The following P3H2 variants were observed in gnomAD, a reference collection of about 807,000 sequenced individuals.
P3H2 encodes the protein leprecan-like 1.
A neutral mutation model predicts 87.0 loss-of-function variants in P3H2; 80 were observed. The observed-to-expected ratio is 0.92, with a 90% CI of 0.77 to 1.11. The LOEUF is 1.11. Ranked by LOEUF, P3H2 falls within the 50% of genes least tolerant of loss-of-function variation. P3H2 has a pLI of 0.00. For synonymous variants in P3H2, 367 were observed against 359.3 expected, an observed-to-expected ratio of 1.02 and a Z score of -0.24; for missense variants, 1,001 against 923.9, an observed-to-expected ratio of 1.08 and a Z score of -1.08.
At chr3:189,992,548 A>C (rs999829850) in intron 3 of P3H2, among the ~76,000 whole-genome samples, 1 of 152,180 alleles carries the variant, frequency 6.6e-6, no homozygotes, top group East Asian at 1.9e-4. Context: ...TATTTGTGAA[A>C]ATTTTATTAA....
At chr3:190,030,956 A>C (rs1349034) in intron 1 of P3H2, among the ~76,000 whole-genome samples, 1 of 151,924 alleles carries the variant, frequency 6.6e-6, no homozygotes, top group Non-Finnish European at 1.5e-5. Context: ...ACTACAGATG[A>C]ATTAAGAGTA....
chr3:190,095,208 G>A (rs1727531082), intron 1 of P3H2, among the ~76,000 whole-genome samples: 2 of 149,130 alleles, frequency 1.3e-5, no homozygotes, highest in South Asian at 2.1e-4. Flanking sequence ...TGACAAAACC[G>A]AGTCTTACAG....
intron 1 of P3H2, among the ~76,000 whole-genome samples, chr3:190,005,678 T>G (rs1724365703): frequency 6.6e-6 from 1 of 152,214 alleles, no homozygotes; most frequent in South Asian, 2.1e-4. Context: ...AACTCTTGCT[T>G]TTATAGGAGT....
intron 13 of P3H2, among the ~76,000 whole-genome samples, chr3:189,970,073 T>C (rs1723123647): frequency 6.6e-6 from 1 of 150,498 alleles, no homozygotes; most frequent in Non-Finnish European, 1.5e-5. Flanking sequence ...AATTGAACTT[T>C]TGATTTACTC....
chr3:189,990,626 T>C (rs1474833600), intron 3 of P3H2, among the ~76,000 whole-genome samples: 2 of 152,244 alleles, frequency 1.3e-5, no homozygotes, highest in African/African-American at 4.8e-5. Context: ...TCCCGAACTG[T>C]TAATGTCTAA....
At chr3:190,050,654 T>C (rs1725953610) in intron 1 of P3H2, among the ~76,000 whole-genome samples, 1 of 152,184 alleles carries the variant, frequency 6.6e-6, no homozygotes, top group African/African-American at 2.4e-5. Flanking sequence ...TATATGAGTT[T>C]TTTGAGGAAT....
At chr3:190,035,246 T>C (rs1725384231) in intron 1 of P3H2, among the ~76,000 whole-genome samples, 1 of 152,132 alleles carries the variant, frequency 6.6e-6, no homozygotes, top group Non-Finnish European at 1.5e-5. Flanking sequence ...AGCTTTTATA[T>C]CAGAAGACCA....
In P3H2 at chr3:189,983,139, C is replaced by A. The variant is rs2108915927; in HGVS notation, c.1231G>T (p.Val411Phe). ...RYGGRQDENR[V>F]PSGVNVEGAE... Reference sequence around the variant, plus strand: ...CCCTCTACGTTCACTCCTGAAGGGACCCTGCCCATTCAAAAAATTTAAAAT... The same window carrying A: ...CCCTCTACGTTCACTCCTGAAGGGAACCTGCCCATTCAAAAAATTTAAAAT... The change falls in exon 8 of 15, where the codon GTC becomes TTC. Residue 411 changes from valine (V) to phenylalanine (F), a missense_variant and splice_region_variant. Transcript: ENST00000319332. 5 of 1,612,810 alleles carry A rather than the reference C, an allele frequency of 3.1e-6. No homozygotes were observed. Among genetic ancestry groups the A allele is most frequent in the East Asian group, 2.2e-5 (1 of 44,858 alleles).
At chr3:190,046,122 C>CA (rs62695060) in intron 1 of P3H2, among the ~76,000 whole-genome samples, 48 of 117,976 alleles carry the variant, frequency 4.1e-4, no homozygotes, top group East Asian at 9.9e-4. Context: ...GACTCCATCT[C>CA]AAAAAAAAAA....
chr3:190,028,263 T>C (rs1233152766), intron 1 of P3H2, among the ~76,000 whole-genome samples: 2 of 152,178 alleles, frequency 1.3e-5, no homozygotes, highest in African/African-American at 4.8e-5. Flanking sequence ...AAAGCCATTC[T>C]CAACTGGGGA....
intron 1 of P3H2, among the ~76,000 whole-genome samples, chr3:190,100,020 G>A (rs1033175443): frequency 6.6e-6 from 1 of 152,106 alleles, no homozygotes; most frequent in African/African-American, 2.4e-5. Context: ...GATAACCTGA[G>A]GTCAGGAGTT....
intron 8 of P3H2, among the ~76,000 whole-genome samples, chr3:189,975,945 A>G (rs1418019588): frequency 6.6e-6 from 1 of 152,258 alleles, no homozygotes; most frequent in East Asian, 1.9e-4. Flanking sequence ...ATATGCAATC[A>G]TAAAACTATG....
chr3:190,035,951 A>G (rs193049109), intron 1 of P3H2, among the ~76,000 whole-genome samples: 2 of 152,316 alleles, frequency 1.3e-5, no homozygotes, highest in East Asian at 3.9e-4. Context: ...TAAATTCTAC[A>G]CAGTAAGCTG....
intron 1 of P3H2, among the ~76,000 whole-genome samples, chr3:190,115,427 G>GAA (rs560968411): frequency 3.2e-4 from 36 of 112,084 alleles, no homozygotes; most frequent in Middle Eastern, 4.5e-3. Flanking sequence ...AAAAGTGGGA[G>GAA]AAAAAAAAAA....
rs1472607434 is a variant in P3H2 at position 189,984,534 on chromosome 3, T to C, written c.1229+16A>G. On this transcript the variant is annotated intron_variant, in intron 7 of 14. Coordinates refer to ENST00000319332, the MANE Select transcript of P3H2 (RefSeq NM_018192.4). ...TCTCCTCATAAAAAACCAGTTTGCA[T>C]TCTGAATGGACTTACCGATTCTCAT... The C allele has an allele frequency of 6.2e-7, 1 of 1,605,444 alleles. No homozygotes were observed.
intron 1 of P3H2, among the ~76,000 whole-genome samples, chr3:190,079,875 T>C (rs1726989258): frequency 6.6e-6 from 1 of 152,218 alleles, no homozygotes; most frequent in Non-Finnish European, 1.5e-5. Flanking sequence ...TTCTCATCCA[T>C]AAAAGGGGAC....
chr3:190,119,175 AGGAGAGGAGAGGAGAGGAGG>A (rs1712427160), intron 1 of P3H2, among the ~76,000 whole-genome samples: 3 of 18,614 alleles, frequency 1.6e-4, no homozygotes, highest in African/African-American at 2.9e-4. Flanking sequence ...GGGAGGGGAG[AGGAGAGGAGAGGAGAGGAGG>A]GGAGAGGAGA....
intron 1 of P3H2, among the ~76,000 whole-genome samples, chr3:190,111,710 C>T (rs1374228946): frequency 6.6e-6 from 1 of 152,160 alleles, no homozygotes; most frequent in Non-Finnish European, 1.5e-5. Flanking sequence ...TCTTCCTATT[C>T]CCCACTTGAA....
At chr3:190,074,009 G>C (rs933214494) in intron 1 of P3H2, among the ~76,000 whole-genome samples, 3 of 152,176 alleles carry the variant, frequency 2.0e-5, no homozygotes, top group African/African-American at 4.8e-5. Flanking sequence ...ATTAGATTAA[G>C]AAATACTCTC....
Sources: gnomAD v4.1 joint callset for allele counts (sites outside exome capture counted in the v4.1 genomes callset) on GRCh38, gnomAD v4.1.1 for gene constraint, MANE v1.5 for transcripts, NCBI Gene and HGNC (gene_info 2026-07-23, HGNC 2026-07-21) for gene names.